Variants in DST observed in about 807,000 individuals in gnomAD.
DST encodes the protein dystonin.
A neutral mutation model predicts 875.2 loss-of-function variants in DST; 253 were observed. That is an observed-to-expected ratio of 0.29 (90% CI 0.26 to 0.32). DST has a LOEUF of 0.32. DST is among the 10% of genes least tolerant of loss of function. The pLI is 1.00. For missense variants in DST, 8,287 were observed against 9,111.6 expected (o/e 0.91, Z 3.68); for synonymous variants, 3,124 against 3,197.1 (o/e 0.98, Z 0.77).
At chr6:56,829,958 T>C (rs2099785142) in intron 4 of DST, among the ~76,000 whole-genome samples, 1 of 151,944 alleles carries the variant, frequency 6.6e-6, no homozygotes. Flanking sequence ...TCCTTTATTG[T>C]TGAATTTCTA....
At chr6:56,667,334 G>A (rs1022395366) in intron 10 of DST, among the ~76,000 whole-genome samples, 2 of 152,132 alleles carry the variant, frequency 1.3e-5, no homozygotes, top group Admixed American at 1.3e-4. Flanking sequence ...ATTCAACAGT[G>A]AGAAATACAC....
intron 3 of DST, among the ~76,000 whole-genome samples, chr6:56,893,550 C>T (rs1490000694): frequency 8.1e-5 from 7 of 86,952 alleles, no homozygotes; most frequent in Admixed American, 6.4e-4. Context: ...AATGGTAGTC[C>T]TACTTTTAGT....
At chr6:56,482,259 A>G in intron 89 of DST, 81 bp from the exon 90 acceptor site, 1 of 1,437,554 alleles carries the variant, frequency 7.0e-7, no homozygotes, top group Non-Finnish European at 9.2e-7. Context: ...TGTATAGTGG[A>G]TTCATCCCTT....
At chr6:56,706,231 T>C (rs2099334899) in intron 5 of DST, among the ~76,000 whole-genome samples, 1 of 151,892 alleles carries the variant, frequency 6.6e-6, no homozygotes, top group Non-Finnish European at 1.5e-5. Flanking sequence ...GGAGAATCAC[T>C]TGAACTCAGG....
At chr6:56,500,172 T>C (rs1009807019) in intron 80 of DST, among the ~76,000 whole-genome samples, 1 of 152,158 alleles carries the variant, frequency 6.6e-6, no homozygotes, top group Admixed American at 6.6e-5. Flanking sequence ...TGAATCAATA[T>C]GTAAAATAAT....
In DST at chr6:56,552,326, C is replaced by T. The variant is rs1052676540; in HGVS notation, c.16466G>A (p.Gly5489Glu). The T allele has an allele frequency of 3.1e-6, 5 of 1,613,738 alleles. No individual in the cohort carries two copies. The African/African-American group carries it at 4.0e-5, about 13-fold the overall frequency. Residue 5489 changes from glycine (G) to glutamate (E), a missense_variant, in exon 61 of 104, where the codon GGG becomes GAG. Coordinates refer to ENST00000680361, the MANE Select transcript of DST (RefSeq NM_001374736.1). ...AAATTCTTCAAGGCGCTTAATTGTC[C>T]CTTCAACCTGCTCTTCTCTGGCTTG... ...RAQAREEQVE[G>E]TIKRLEEFYS...
At chr6:56,886,126 T>G (rs2127648966) in intron 3 of DST, among the ~76,000 whole-genome samples, 1 of 152,300 alleles carries the variant, frequency 6.6e-6, no homozygotes, top group Non-Finnish European at 1.5e-5. Flanking sequence ...GTAAAGCTAC[T>G]CCCTGGGAAT....
At chr6:56,507,723 G>A (rs1280277154) in intron 75 of DST, among the ~76,000 whole-genome samples, 1 of 152,126 alleles carries the variant, frequency 6.6e-6, no homozygotes, top group Non-Finnish European at 1.5e-5. Context: ...TTTGGTAAAG[G>A]AGCAAGAGAA....
intron 2 of DST, among the ~76,000 whole-genome samples, chr6:56,952,785 A>G (rs1445150578): frequency 3.9e-5 from 6 of 152,192 alleles, no homozygotes; most frequent in Non-Finnish European, 4.4e-5. Flanking sequence ...TAAAGCCAGG[A>G]ATGGAACCTC....
At chr6:56,575,845 G>C (rs962887832) in intron 50 of DST, among the ~76,000 whole-genome samples, 2 of 152,260 alleles carry the variant, frequency 1.3e-5, no homozygotes, top group East Asian at 3.9e-4. Context: ...TAAGTGACAG[G>C]AGTGTATGGC....
chr6:56,757,433 A>G (rs2099606865), intron 4 of DST, among the ~76,000 whole-genome samples: 1 of 152,170 alleles, frequency 6.6e-6, no homozygotes, highest in African/African-American at 2.4e-5. Flanking sequence ...GTTCTGGCAA[A>G]CCACATAGCT....
chr6:56,617,399 T>C, intron 36 of DST: 1 of 1,613,406 alleles, frequency 6.2e-7, no homozygotes. Context: ...ATGCATATCA[T>C]ACTGCTTGTT....
At chr6:56,615,770 A>G in intron 36 of DST, 4 of 1,614,174 alleles carry the variant, frequency 2.5e-6, no homozygotes, top group Non-Finnish European at 2.5e-6. Flanking sequence ...CTGTGGCTCT[A>G]TCAACCCTCC....
chr6:56,760,077 C>CA (rs1042146451), intron 4 of DST, among the ~76,000 whole-genome samples: 4 of 151,714 alleles, frequency 2.6e-5, no homozygotes, highest in African/African-American at 9.7e-5. Context: ...CCCCCAAAAG[C>CA]AAAAAAGAAA....
chr6:56,504,212 A>T (rs2096239950), intron 77 of DST, 114 bp from the exon 78 acceptor site: 2 of 691,500 alleles, frequency 2.9e-6, no homozygotes, highest in Non-Finnish European at 4.7e-6. Context: ...ATAGAATTAG[A>T]CTATTTTATA....
At chr6:56,596,061 G>A (rs553291228) in intron 47 of DST, among the ~76,000 whole-genome samples, 3 of 149,268 alleles carry the variant, frequency 2.0e-5, no homozygotes, top group Non-Finnish European at 4.5e-5. Flanking sequence ...ATGGAGTCTC[G>A]CTCTGTCGCC....
intron 61 of DST, among the ~76,000 whole-genome samples, chr6:56,546,066 GTTTATA>G (rs1167515660): frequency 6.6e-6 from 1 of 151,872 alleles, no homozygotes; most frequent in African/African-American, 2.4e-5. Flanking sequence ...TGGGAATACA[GTTTATA>G]TTTAGAAGAA....
At position 56,493,106 on chromosome 6, in the gene DST, T is replaced by G. The variant is rs775062326; in HGVS notation, c.20395-17A>C. On this transcript the variant is annotated splice_polypyrimidine_tract_variant and intron_variant, in intron 83 of 103. Transcript: ENST00000680361. ...CAGTTTAGTCTGCAAGGACAGATTGTTTAGTATGTGATGTTTAAGGGCCTT... is the reference window on the plus strand; with the variant it reads ...CAGTTTAGTCTGCAAGGACAGATTGGTTAGTATGTGATGTTTAAGGGCCTT... The G allele has an allele frequency of 4.4e-6, 7 of 1,602,414 alleles. No individual in the cohort carries two copies. Among genetic ancestry groups the G allele is most frequent in the Non-Finnish European group, 6.0e-6 (7 of 1,173,672 alleles).
chr6:56,930,455 G>T (rs1809582886), intron 2 of DST, among the ~76,000 whole-genome samples: 2 of 152,028 alleles, frequency 1.3e-5, no homozygotes, highest in South Asian at 4.2e-4. Context: ...TGGATTTCAG[G>T]GCCCAAAAAC....
Sources: allele counts gnomAD v4.1 joint callset (sites outside exome capture counted in the v4.1 genomes callset), GRCh38; gene constraint gnomAD v4.1.1; transcripts MANE v1.5; gene names NCBI Gene and HGNC (gene_info 2026-07-23, HGNC 2026-07-21).